Variants in SLC26A4 observed in about 807,000 individuals in gnomAD.
The protein encoded by SLC26A4 is solute carrier family 26 member 4, also known as pendrin.
Under a neutral mutation model 90.4 loss-of-function variants are expected in SLC26A4, and 93 were observed. The ratio of observed to expected loss-of-function variants is 1.03; its 90% CI spans 0.87 to 1.22. The LOEUF is 1.22. Ranked by LOEUF, SLC26A4 falls within the 50% of genes most tolerant of loss-of-function variation. SLC26A4 has a pLI of 0.00. For missense variants in SLC26A4, 1,127 were observed against 946.2 expected (o/e 1.19, Z -2.51); for synonymous variants, 393 against 354.6 (o/e 1.11, Z -1.22).
At chr7:107,679,283 A>G (rs1791110792) in intron 6 of SLC26A4, among the ~76,000 whole-genome samples, 1 of 152,162 alleles carries the variant, frequency 6.6e-6, no homozygotes, top group Non-Finnish European at 1.5e-5. Context: ...ACTAAGCTTG[A>G]TTAGATTTGT....
chr7:107,695,832 A>T, intron 12 of SLC26A4, 101 bp from the exon 13 acceptor site: 1 of 783,184 alleles, frequency 1.3e-6, no homozygotes. Flanking sequence ...AAAAAAATGT[A>T]ATTTGTTTGT....
chr7:107,678,554 G>A (rs1211656004), intron 6 of SLC26A4, among the ~76,000 whole-genome samples: 1 of 152,118 alleles, frequency 6.6e-6, no homozygotes, highest in Admixed American at 6.5e-5. Flanking sequence ...CTAGACCAAG[G>A]TCAAAAATAG....
chr7:107,667,345 T>C (rs1017876600), intron 3 of SLC26A4, among the ~76,000 whole-genome samples: 1 of 150,088 alleles, frequency 6.7e-6, no homozygotes, highest in Non-Finnish European at 1.5e-5. Context: ...CCAGAGTACT[T>C]AGAAGTTAGG....
intron 8 of SLC26A4, among the ~76,000 whole-genome samples, chr7:107,685,954 T>A (rs1584320331): frequency 6.6e-6 from 1 of 152,204 alleles, no homozygotes; most frequent in Non-Finnish European, 1.5e-5. Flanking sequence ...TTTTAATCCC[T>A]ATTCACTCTC....
At chr7:107,666,617 A>G (rs2129310004) in intron 3 of SLC26A4, among the ~76,000 whole-genome samples, 1 of 152,344 alleles carries the variant, frequency 6.6e-6, no homozygotes, top group Admixed American at 6.5e-5. Context: ...GGAGACAGCC[A>G]TGTGATAAGC....
rs778287197 is a variant in SLC26A4 at position 107,675,068 on chromosome 7, G to A, written c.724G>A (p.Val242Ile). 1.9e-6 allele frequency: 3 copies of A among 1,613,986 alleles called. No individual in the cohort carries two copies. The East Asian group carries it at 6.7e-5, about 36-fold the overall frequency. ...LVSQLKIVLN[V>I]STKNYNGVLS... ...CTCACAGCTAAAGATTGTCCTCAAT[G>A]TTTCAACCAAAAACTACAATGGAGT... is the stretch of plus-strand genomic sequence containing the variant. The change falls in exon 6 of 21, where the codon GTT becomes ATT. Residue 242 changes from valine (V) to isoleucine (I), a missense_variant. Physicochemically the swap from Val to Ile is conservative, Grantham distance 29 (BLOSUM62 3). Coordinates refer to ENST00000644269, the MANE Select transcript of SLC26A4 (RefSeq NM_000441.2).
intron 16 of SLC26A4, 79 bp from the exon 17 acceptor site, chr7:107,701,748 T>C: frequency 1.1e-6 from 1 of 945,846 alleles, no homozygotes; most frequent in Middle Eastern, 2.4e-4. Flanking sequence ...AGTGTGTAGG[T>C]CTTTTGGATA....
intron 6 of SLC26A4, among the ~76,000 whole-genome samples, chr7:107,675,315 GA>G (rs1030248049): frequency 1.4e-5 from 2 of 142,676 alleles, no homozygotes; most frequent in Non-Finnish European, 3.1e-5. Flanking sequence ...AAGAAAGAAA[GA>G]AAAGAAAAGA....
intron 14 of SLC26A4, among the ~76,000 whole-genome samples, chr7:107,698,903 A>C (rs1791814717): frequency 6.6e-6 from 1 of 152,200 alleles, no homozygotes; most frequent in South Asian, 2.1e-4. Flanking sequence ...CCTGCAAATA[A>C]AATTGCTTAG....
intron 5 of SLC26A4, among the ~76,000 whole-genome samples, 186 bp downstream of exon 5, chr7:107,674,534 G>A (rs967797444): frequency 2.0e-5 from 3 of 152,100 alleles, no homozygotes; most frequent in Admixed American, 6.5e-5. Context: ...ACTTATTAAG[G>A]CTCACTTATC....
intron 8 of SLC26A4, among the ~76,000 whole-genome samples, chr7:107,683,756 T>C (rs1791321496): frequency 2.0e-5 from 3 of 152,184 alleles, no homozygotes; most frequent in Admixed American, 6.5e-5. Flanking sequence ...TCTTTTTTCT[T>C]CATTTTCTTA....
In SLC26A4 at chr7:107,682,071, G is replaced by A. The variant is rs954569153; in HGVS notation, c.766-1131G>A. Among the ~76,000 whole-genome samples the A allele has an allele frequency of 7.2e-4, 100 of 138,894 alleles. 1 individual carries two copies. The highest frequency in any genetic ancestry group is 2.7e-3 in the African/African-American group (97 of 36,402). The allele number at this position is 138,894 out of a possible 152,430, so 91.1% of individuals were successfully genotyped here. Reference sequence around the variant, plus strand: ...AAGGATTGCTTGAGCTCAGGAGTTCGAGGCCACTGTACTCCAGCCTGGGCA... The same window carrying A: ...AAGGATTGCTTGAGCTCAGGAGTTCAAGGCCACTGTACTCCAGCCTGGGCA... On this transcript the variant is annotated intron_variant, in intron 6 of 20. Transcript: ENST00000644269.
At chr7:107,662,027 G>A (rs909039040) in intron 2 of SLC26A4, 9 of 591,626 alleles carry the variant, frequency 1.5e-5, no homozygotes, top group African/African-American at 1.3e-4. Context: ...AACTTACCTG[G>A]GAAACTCGCC....
chr7:107,691,537 ACACAC>A (rs1791578033), intron 10 of SLC26A4, among the ~76,000 whole-genome samples: 2 of 86,138 alleles, frequency 2.3e-5, no homozygotes, highest in Admixed American at 1.5e-4. Flanking sequence ...ACACACACAC[ACACAC>A]ACAAACATAT....
At chr7:107,702,953 A>T (rs1791938323) in intron 17 of SLC26A4, among the ~76,000 whole-genome samples, 1 of 152,186 alleles carries the variant, frequency 6.6e-6, no homozygotes. Context: ...GGTCAAAGCA[A>T]GAGTTGAGGA....
rs771772382 is a variant in SLC26A4 at position 107,712,601 on chromosome 7, A to G, written c.2298A>G (p.Glu766=). 6.4e-7 allele frequency: 1 copy of G among 1,573,068 alleles called. No individual in the cohort carries two copies. Among genetic ancestry groups the G allele is most frequent in the East Asian group, 2.2e-5 (1 of 44,664 alleles). ...LELIETELTE[E]ELDVQDEAMR... ...TAATAGAAACAGAGCTGACGGAAGA[A>G]GAACTTGATGTCCAGGATGAGGTAT... The change falls in exon 20 of 21, where the codon GAA becomes GAG. Residue 766 remains glutamate, a synonymous_variant. Transcript: ENST00000644269.
intron 4 of SLC26A4, among the ~76,000 whole-genome samples, chr7:107,673,328 G>T (rs1790925084): frequency 6.6e-6 from 1 of 151,882 alleles, no homozygotes; most frequent in Non-Finnish European, 1.5e-5. Context: ...ATTGACATTT[G>T]ATATGAAAAA....
chr7:107,662,509 A>T (rs1012061155), intron 2 of SLC26A4, among the ~76,000 whole-genome samples: 17 of 151,174 alleles, frequency 1.1e-4, no homozygotes, highest in African/African-American at 3.4e-4. Flanking sequence ...AATCCAAGTT[A>T]CTCTTGTTTC....
chr7:107,712,597 A>C lies in SLC26A4; in HGVS notation c.2294A>C (p.Glu765Ala). ...GAATTAATAGAAACAGAGCTGACGG[A>C]AGAAGAACTTGATGTCCAGGATGAG... ...TLELIETELTEEELDVQDEAM... is the reference protein window; with the variant it reads ...TLELIETELTAEELDVQDEAM... The change falls in exon 20 of 21, where the codon GAA becomes GCA. Residue 765 changes from glutamate (E) to alanine (A), a missense_variant. Transcript: ENST00000644269. The C allele has an allele frequency of 6.3e-7, 1 of 1,581,314 alleles. No homozygotes were observed. Among genetic ancestry groups the C allele is most frequent in the Non-Finnish European group, 8.7e-7 (1 of 1,150,148 alleles).
Sources: gnomAD v4.1 joint callset for allele counts (sites outside exome capture counted in the v4.1 genomes callset) on GRCh38, gnomAD v4.1.1 for gene constraint, MANE v1.5 for transcripts, NCBI Gene and HGNC (gene_info 2026-07-23, HGNC 2026-07-21) for gene names.